ZCCHC8: variants seen among roughly 807,000 people sequenced by gnomAD.
ZCCHC8 encodes the protein zinc finger CCHC domain-containing protein 8.
A neutral mutation model predicts 70.6 loss-of-function variants in ZCCHC8; 27 were observed. The ratio of observed to expected loss-of-function variants is 0.38; its 90% CI spans 0.28 to 0.53. The LOEUF is 0.53. ZCCHC8 is among the 20% of genes least tolerant of loss of function. ZCCHC8 has a pLI of 0.81. For synonymous variants in ZCCHC8, 293 were observed against 317.4 expected, an observed-to-expected ratio of 0.92 and a Z score of 0.82; for missense variants, 737 against 876.9, an observed-to-expected ratio of 0.84 and a Z score of 2.01.
intron 9 of ZCCHC8, 127 bp from the exon 10 acceptor site, chr12:122,481,791 A>T: frequency 7.2e-7 from 1 of 1,380,082 alleles, no homozygotes; most frequent in Non-Finnish European, 9.7e-7. Context: ...ATATAAATTA[A>T]AATTTAAAGA....
At chr12:122,485,302 C>T (rs141721616) in intron 5 of ZCCHC8, among the ~76,000 whole-genome samples, 7,014 of 152,028 alleles carry the variant, frequency 0.046, 542 homozygotes, top group African/African-American at 0.16. Context: ...TTAGTAGAGA[C>T]GGGGTTTCTT....
Position 122,473,633 on chromosome 12 carries a change from A to G in ZCCHC8, c.1988T>C (p.Met663Thr), listed in dbSNP as rs1957354669. 6.2e-7 allele frequency: 1 copy of G among 1,613,832 alleles called. No individual in the cohort carries two copies. Among genetic ancestry groups the G allele is most frequent in the African/African-American group, 1.3e-5 (1 of 74,910 alleles). The change falls in exon 14 of 14, where the codon ATG becomes ACG. Residue 663 changes from methionine (M) to threonine (T), a missense_variant. Physicochemically the swap from Met to Thr is moderately conservative, Grantham distance 81 (BLOSUM62 -1). Coordinates refer to ENST00000633063, the MANE Select transcript of ZCCHC8 (RefSeq NM_017612.5). ...CGTGATTCCAGTTGCAAATTTGCTCATGTCAGGTATAGGGCTATGAATTTT... is the reference window on the plus strand; with the variant it reads ...CGTGATTCCAGTTGCAAATTTGCTCGTGTCAGGTATAGGGCTATGAATTTT... ...ATKIHSPIPD[M>T]SKFATGITPF... is the part of the protein sequence containing the mutation.
In ZCCHC8 at chr12:122,473,443, G is replaced by C; in HGVS notation, c.*54C>G. ...ACCATTCTATCTATCCACTTAATTA[G>C]TACTAATTAACGGAACAAAGTTATT... On this transcript the variant is annotated 3_prime_UTR_variant, in exon 14 of 14. Transcript: ENST00000633063. The C allele has an allele frequency of 3.9e-6, 6 of 1,546,960 alleles. No individual in the cohort carries two copies. The highest frequency in any genetic ancestry group is 5.3e-6 in the Non-Finnish European group (6 of 1,138,020).
chr12:122,474,558 C>A (rs961561931), intron 13 of ZCCHC8, among the ~76,000 whole-genome samples: 1 of 152,004 alleles, frequency 6.6e-6, no homozygotes, highest in Non-Finnish European at 1.5e-5. Flanking sequence ...TGAGGAAATG[C>A]GAGCAATTGC....
intron 1 of ZCCHC8, 86 bp from the exon 2 acceptor site, chr12:122,498,955 G>T: frequency 7.9e-7 from 1 of 1,258,654 alleles, no homozygotes; most frequent in Non-Finnish European, 1.1e-6. Flanking sequence ...TTTGGTGTCA[G>T]AATATTATAA....
At chr12:122,485,273 C>T (rs1957611217) in intron 5 of ZCCHC8, among the ~76,000 whole-genome samples, 1 of 152,126 alleles carries the variant, frequency 6.6e-6, no homozygotes, top group African/African-American at 2.4e-5. Flanking sequence ...CACCACCACA[C>T]CCGGCTAATT....
At chr12:122,493,749 AC>A (rs1211991369) in intron 2 of ZCCHC8, among the ~76,000 whole-genome samples, 2 of 151,788 alleles carry the variant, frequency 1.3e-5, no homozygotes, top group African/African-American at 4.9e-5. Flanking sequence ...AGTAGCTGGG[AC>A]TACAGGCGCC....
intron 2 of ZCCHC8, among the ~76,000 whole-genome samples, chr12:122,497,340 G>C (rs929852588): frequency 6.6e-6 from 1 of 151,002 alleles, no homozygotes; most frequent in African/African-American, 2.4e-5. Flanking sequence ...CCAGGAGTTC[G>C]AGACCAGCCT....
At position 122,483,218 on chromosome 12, in the gene ZCCHC8, A is replaced by G. The variant is rs1161800991; in HGVS notation, c.671+61T>C. On this transcript the variant is annotated intron_variant, in intron 7 of 13. Transcript: ENST00000633063. The surrounding 1 kb of genome is among the most constrained non-coding windows in gnomAD (Gnocchi z 4.4). ...TAAAGAACATGAACTTTTCAAGCCA[A>G]AAGTTTATGATTTTGGTTAAAAAAG... The G allele has an allele frequency of 4.7e-6, 7 of 1,488,264 alleles. No homozygotes were observed. In the Admixed American group the frequency reaches 1.2e-4, roughly 26 times the overall value. The allele number at this position is 1,488,264 out of a possible 1,614,324, so 92.2% of individuals were successfully genotyped here.
intron 13 of ZCCHC8, among the ~76,000 whole-genome samples, chr12:122,474,754 T>TTG (rs1957385447): frequency 7.7e-6 from 1 of 130,084 alleles, no homozygotes; most frequent in Non-Finnish European, 1.6e-5. Flanking sequence ...TTTTTTTTTT[T>TTG]GAGACAGTCT....
chr12:122,481,502 T>C lies in ZCCHC8; in HGVS notation c.1018+20A>G. 6.3e-7 allele frequency: 1 copy of C among 1,579,830 alleles called. No individual in the cohort carries two copies. On this transcript the variant is annotated intron_variant, in intron 10 of 13. Coordinates refer to ENST00000633063, the MANE Select transcript of ZCCHC8 (RefSeq NM_017612.5). The stretch of plus-strand genomic sequence containing the variant: ...AAAAGGAAACACTTAAGGTGACTTC[T>C]CTAACTTAAGATACTATACCTTTTC...
rs1383641326 is a variant in ZCCHC8, at chr12:122,483,393, G to GA, written c.606-50dup. 1 of 1,571,176 alleles carries GA rather than the reference G, an allele frequency of 6.4e-7. No homozygotes were observed. Among genetic ancestry groups the GA allele is most frequent in the Non-Finnish European group, 8.6e-7 (1 of 1,156,282 alleles). ...TAGTTATCATGGTCTGCAAAATTTG[G>GA]AAATTGTTTTAAAGGTGAACTTAGT... On this transcript the variant is annotated intron_variant, in intron 6 of 13. Transcript: ENST00000633063. This position sits in a 1 kb window ranked among gnomAD's most constrained non-coding sequence, Gnocchi z 4.4.
rs751661789 is a variant in ZCCHC8, at chr12:122,500,747, T to G, written c.94A>C (p.Lys32Gln). 5.7e-6 allele frequency: 9 copies of G among 1,587,240 alleles called. No individual in the cohort carries two copies. Among genetic ancestry groups the G allele is most frequent in the Non-Finnish European group, 7.7e-6 (9 of 1,167,332 alleles). ...SIPKPVHTRF[K>Q]DDDGDEEDEN... ...TCCTCCTCGTCGCCGTCGTCGTCCT[T>G]GAAGCGAGTGTGAACGGGCTTCGGA... The change falls in exon 1 of 14, where the codon AAG (lysine) becomes CAG (glutamine). Residue 32 changes from lysine to glutamine, a missense_variant. Transcript: ENST00000633063. The surrounding 1 kb of genome is among the most constrained non-coding windows in gnomAD (Gnocchi z 4.8).
Position 122,500,389 on chromosome 12 carries a change from C to T in ZCCHC8, c.199+253G>A. 1.9e-6 allele frequency: 1 copy of T among 528,856 alleles called. No homozygotes were observed. The highest frequency in any genetic ancestry group is 3.4e-5 in the Admixed American group (1 of 29,168). The allele number at this position is 528,856 out of a possible 1,614,324, so 32.8% of individuals were successfully genotyped here. A position where few individuals can be genotyped will look rare whatever the true frequency, so the allele number is the denominator to read the frequency against. On this transcript the variant is annotated intron_variant, in intron 1 of 13. Transcript: ENST00000633063. The surrounding 1 kb of genome is among the most constrained non-coding windows in gnomAD (Gnocchi z 4.8). ...CTAAAATAACCCTAAACACGGCACCCGGGTGGGAGGCAGGAGTGGGTCTGG... is the reference window on the plus strand; with the variant it reads ...CTAAAATAACCCTAAACACGGCACCTGGGTGGGAGGCAGGAGTGGGTCTGG...
At position 122,483,221 on chromosome 12, in the gene ZCCHC8, G is replaced by A. The variant is rs1461300426; in HGVS notation, c.671+58C>T. 1.5e-5 allele frequency: 23 copies of A among 1,486,282 alleles called. No homozygotes were observed. The highest frequency in any genetic ancestry group is 1.9e-5 in the Non-Finnish European group (21 of 1,094,052). 92.1% of individuals were successfully genotyped at this position (1,486,282 alleles called of 1,614,324 possible). ...AGAACATGAACTTTTCAAGCCAAAA[G>A]TTTATGATTTTGGTTAAAAAAGTAA... On this transcript the variant is annotated intron_variant, in intron 7 of 13. Transcript: ENST00000633063. This position sits in a 1 kb window ranked among gnomAD's most constrained non-coding sequence, Gnocchi z 4.4.
At chr12:122,482,952 A>G (rs1025981959) in intron 7 of ZCCHC8, 9 of 520,964 alleles carry the variant, frequency 1.7e-5, no homozygotes, top group South Asian at 6.0e-5. Context: ...TCAGTGGTTA[A>G]CAACGAAGAA....
At position 122,471,743 on chromosome 12, in the gene ZCCHC8, TTACAG is replaced by T. The variant is rs1279363439; in HGVS notation, c.*1749_*1753del. 1 of 152,234 alleles carries T rather than the reference TTACAG, an allele frequency of 6.6e-6. No homozygotes were observed. Among genetic ancestry groups the T allele is most frequent in the African/African-American group, 2.4e-5 (1 of 41,466 alleles). 9.4% of individuals were successfully genotyped at this position (152,234 alleles called of 1,614,324 possible). On this transcript the variant is annotated 3_prime_UTR_variant, in exon 14 of 14. Transcript: ENST00000633063. ...TTATAATTTTCCTTTCCTTTATTCTTTACAGAACAGTAAATTCTGATTACTCAAGT... is the reference window on the plus strand; with the variant it reads ...TTATAATTTTCCTTTCCTTTATTCTTAACAGTAAATTCTGATTACTCAAGT...
In ZCCHC8 at chr12:122,500,495, G is replaced by T; in HGVS notation, c.199+147C>A. 9.3e-7 allele frequency: 1 copy of T among 1,074,390 alleles called. No individual in the cohort carries two copies. Among genetic ancestry groups the T allele is most frequent in the Non-Finnish European group, 1.3e-6 (1 of 771,846 alleles). The allele number at this position is 1,074,390 out of a possible 1,614,324, so 66.6% of individuals were successfully genotyped here. A position where few individuals can be genotyped will look rare whatever the true frequency, so the allele number is the denominator to read the frequency against. On this transcript the variant is annotated intron_variant, in intron 1 of 13. Coordinates refer to ENST00000633063, the MANE Select transcript of ZCCHC8 (RefSeq NM_017612.5). The surrounding 1 kb of genome is among the most constrained non-coding windows in gnomAD (Gnocchi z 4.8). ...CCGAACCCTAGACTCTCGGTCCGCC[G>T]GCGGGTGACAGAAAGCACTTGGAAT...
intron 2 of ZCCHC8, among the ~76,000 whole-genome samples, chr12:122,495,225 C>A (rs1341025404): frequency 6.6e-6 from 1 of 152,184 alleles, no homozygotes; most frequent in East Asian, 1.9e-4. Flanking sequence ...GAAAGTAGCT[C>A]ATGCCTGTAA....
Sources: gnomAD v4.1 joint callset for allele counts (sites outside exome capture counted in the v4.1 genomes callset) on GRCh38, gnomAD v4.1.1 for gene constraint, Gnocchi (gnomAD v3.1) non-coding constraint, MANE v1.5 for transcripts, NCBI Gene and HGNC (gene_info 2026-07-23, HGNC 2026-07-21) for gene names.